The following KNDC1 variants were observed in gnomAD, a reference collection of about 807,000 sequenced individuals.
KNDC1 encodes the protein kinase non-catalytic C-lobe domain containing 1.
KNDC1 carries 106 observed loss-of-function variants against 172.8 expected under a neutral mutation model. The observed-to-expected ratio is 0.61, with a 90% CI of 0.52 to 0.72. The LOEUF (loss-of-function observed/expected upper bound fraction) is 0.72. KNDC1 is among the 30% of genes least tolerant of loss of function. The pLI, the probability that KNDC1 is intolerant of heterozygous loss-of-function variation, is 0.00. For synonymous variants in KNDC1, 1,083 were observed against 1,062.2 expected (o/e 1.02, Z -0.38); for missense variants, 2,325 against 2,394.5 (o/e 0.97, Z 0.61).
chr10:133,195,331 T>C (rs1854159038), intron 9 of KNDC1, among the ~76,000 whole-genome samples: 1 of 152,166 alleles, frequency 6.6e-6, no homozygotes, highest in South Asian at 2.1e-4. Flanking sequence ...GTGGGGGCTA[T>C]GCTGGCCAGT....
At chr10:133,220,994 T>G (rs1260886268) in intron 29 of KNDC1, among the ~76,000 whole-genome samples, 1 of 151,980 alleles carries the variant, frequency 6.6e-6, no homozygotes, top group Non-Finnish European at 1.5e-5. Flanking sequence ...CAAGATAACC[T>G]CCAGCCACCT....
chr10:133,177,046 A>G (rs889217380), intron 3 of KNDC1, among the ~76,000 whole-genome samples: 1 of 152,158 alleles, frequency 6.6e-6, no homozygotes, highest in Non-Finnish European at 1.5e-5. Context: ...CCCACAGCAG[A>G]TCACCCAGCT....
chr10:133,175,885 G>C (rs1335010731), intron 3 of KNDC1, among the ~76,000 whole-genome samples: 1 of 151,248 alleles, frequency 6.6e-6, no homozygotes, highest in African/African-American at 2.4e-5. Context: ...TGGATGGGTG[G>C]GTGAATGGAT....
At chr10:133,185,284 ATAGGCAGTGTGTGCAGTGTAGAG>A (rs1853858944) in intron 5 of KNDC1, among the ~76,000 whole-genome samples, 2 of 78,426 alleles carry the variant, frequency 2.6e-5, no homozygotes, top group Non-Finnish European at 5.3e-5. Flanking sequence ...GCAGTGTGGA[ATAGGCAGTGTGTGCAGTGTAGAG>A]TAGGCAGTGT....
At position 133,201,496 on chromosome 10, in the gene KNDC1, T is replaced by C. The variant is rs774056756; in HGVS notation, c.2990-5T>C. On this transcript the variant is annotated splice_polypyrimidine_tract_variant and splice_region_variant and intron_variant, in intron 16 of 29. Transcript: ENST00000304613. ...TCCACGTAACCTGCGTCTCTTTCTT[T>C]CAAGGAAAAGAGAAGCCAGCCATGG... is the stretch of plus-strand genomic sequence containing the variant. 2.5e-6 allele frequency: 4 copies of C among 1,585,548 alleles called. No individual in the cohort carries two copies. Among genetic ancestry groups the C allele is most frequent in the East Asian group, 4.5e-5 (2 of 44,642 alleles).
chr10:133,184,187 C>T (rs1271957636), intron 5 of KNDC1, among the ~76,000 whole-genome samples, 198 bp downstream of exon 5: 1 of 147,128 alleles, frequency 6.8e-6, no homozygotes, highest in Non-Finnish European at 1.5e-5. Flanking sequence ...CACACACACA[C>T]CTATGCACAT....
chr10:133,187,033 G>T (rs1564884878), intron 6 of KNDC1, among the ~76,000 whole-genome samples: 1 of 152,220 alleles, frequency 6.6e-6, no homozygotes, highest in Non-Finnish European at 1.5e-5. Context: ...GTCATTTCAG[G>T]GGCTCCGTGT....
intron 6 of KNDC1, among the ~76,000 whole-genome samples, chr10:133,188,299 G>C (rs1438680000): frequency 6.6e-6 from 1 of 152,180 alleles, no homozygotes; most frequent in Non-Finnish European, 1.5e-5. Flanking sequence ...CAGCACTGTC[G>C]TCTGCAGTGG....
intron 1 of KNDC1, among the ~76,000 whole-genome samples, chr10:133,165,603 G>T (rs1263375743): frequency 6.6e-6 from 1 of 152,224 alleles, no homozygotes; most frequent in Non-Finnish European, 1.5e-5. Flanking sequence ...TTGCAGGCAC[G>T]TGTGCGTGGG....
chr10:133,220,121 G>T lies in KNDC1; in HGVS notation c.5018+9G>T. ...AGGTGGAGCAAGCTCAGGTGAGGAG[G>T]GGCTCAGGCGGCCGCGCGCCCAGGA... On this transcript the variant is annotated intron_variant, in intron 29 of 29. Transcript: ENST00000304613. 1 of 1,518,572 alleles carries T rather than the reference G, an allele frequency of 6.6e-7. No individual in the cohort carries two copies. Among genetic ancestry groups the T allele is most frequent in the East Asian group, 2.4e-5 (1 of 41,652 alleles). 94.1% of individuals were successfully genotyped at this position (1,518,572 alleles called of 1,614,324 possible).
chr10:133,168,198 T>C (rs1005661343), intron 2 of KNDC1, 56 bp from the exon 3 acceptor site: 1 of 1,530,830 alleles, frequency 6.5e-7, no homozygotes, highest in Non-Finnish European at 9.0e-7. Context: ...AGCTGGCGGG[T>C]TCAGGTTTGC....
rs1293410512 is a variant in KNDC1, at chr10:133,211,781, C to T, written c.4159C>T (p.Pro1387Ser). 1.2e-6 allele frequency: 2 copies of T among 1,610,698 alleles called. No homozygotes were observed. Among genetic ancestry groups the T allele is most frequent in the East Asian group, 2.2e-5 (1 of 44,856 alleles). Reference sequence around the variant, plus strand: ...CCCTCGCGGCACAGACCTGGAGAACCCCAGGGAGGCCGAGGAGGATGCCAG... The same window carrying T: ...CCCTCGCGGCACAGACCTGGAGAACTCCAGGGAGGCCGAGGAGGATGCCAG... Reference protein sequence around the residue: ...GNPRGTDLENPREAEEDARPF... With the variant: ...GNPRGTDLENSREAEEDARPF... Residue 1387 changes from proline (P) to serine (S), a missense_variant, in exon 23 of 30, where the codon CCC becomes TCC. Physicochemically the swap from Pro to Ser is moderately conservative, Grantham distance 74 (BLOSUM62 -1). Coordinates refer to ENST00000304613, the MANE Select transcript of KNDC1 (RefSeq NM_152643.8).
intron 23 of KNDC1, among the ~76,000 whole-genome samples, 182 bp downstream of exon 23, chr10:133,212,040 C>T (rs1447459884): frequency 1.3e-5 from 2 of 152,162 alleles, no homozygotes; most frequent in African/African-American, 4.8e-5. Flanking sequence ...TACCTGTGCA[C>T]ATCACACACA....
rs758159604 is a variant in KNDC1, at chr10:133,184,137, CCA to C, written c.625+156_625+157del. 702 of 475,448 alleles carry C rather than the reference CCA, an allele frequency of 1.5e-3. 3 individuals carry two copies. The highest frequency in any genetic ancestry group is 2.2e-3 in the Non-Finnish European group (598 of 266,194). The allele number at this position is 475,448 out of a possible 1,614,324, so 29.5% of individuals were successfully genotyped here. ...GCACACACACCCATGCACACACATG[CCA>C]CACACACCCATGCACACACACTGCA... On this transcript the variant is annotated intron_variant, in intron 5 of 29. Coordinates refer to ENST00000304613, the MANE Select transcript of KNDC1 (RefSeq NM_152643.8).
chr10:133,189,250 A>C (rs139778034), intron 7 of KNDC1, among the ~76,000 whole-genome samples: 62 of 152,204 alleles, frequency 4.1e-4, no homozygotes, highest in Admixed American at 1.2e-3. Flanking sequence ...GTCCACCGTG[A>C]GCCCGTGGCT....
intron 26 of KNDC1, among the ~76,000 whole-genome samples, chr10:133,215,414 G>A (rs1845452023): frequency 6.6e-6 from 1 of 152,240 alleles, no homozygotes; most frequent in Non-Finnish European, 1.5e-5. Flanking sequence ...GAAGGCAGAG[G>A]CACCGCCTTC....
At chr10:133,216,466 C>T (rs1845470331) in intron 26 of KNDC1, among the ~76,000 whole-genome samples, 1 of 151,952 alleles carries the variant, frequency 6.6e-6, no homozygotes, top group Admixed American at 6.6e-5. Flanking sequence ...TCACTTGAGA[C>T]CAGGAGTTGG....
intron 17 of KNDC1, among the ~76,000 whole-genome samples, chr10:133,205,015 C>CCTCCTCACCCCCAGAATCACCACG (rs1158379540): frequency 6.6e-6 from 1 of 152,142 alleles, no homozygotes; most frequent in African/African-American, 2.4e-5. Flanking sequence ...GAACCACCAC[C>CCTCCTCACCCCCAGAATCACCACG]CTCCTCACCC....
chr10:133,201,150 A>T (rs569830645), intron 16 of KNDC1, among the ~76,000 whole-genome samples: 1 of 152,344 alleles, frequency 6.6e-6, no homozygotes, highest in South Asian at 2.1e-4. Context: ...CCAGAAGAAA[A>T]GAGGAGAGCG....
Sources: gnomAD v4.1 joint callset for allele counts (sites outside exome capture counted in the v4.1 genomes callset) on GRCh38, gnomAD v4.1.1 for gene constraint, MANE v1.5 for transcripts, NCBI Gene and HGNC (gene_info 2026-07-23, HGNC 2026-07-21) for gene names.